Variants in STPG2 observed in about 807,000 individuals in gnomAD.
STPG2 encodes the protein sperm tail PG-rich repeat containing 2.
A neutral mutation model predicts 54.2 loss-of-function variants in STPG2; 56 were observed. The ratio of observed to expected loss-of-function variants is 1.03; its 90% CI spans 0.83 to 1.29. STPG2 has a LOEUF of 1.29. STPG2 is among the 50% of genes most tolerant of loss of function. The pLI, the probability that STPG2 is intolerant of heterozygous loss-of-function variation, is 0.00. For missense variants in STPG2, 596 were observed against 544.9 expected, an observed-to-expected ratio of 1.09 and a Z score of -0.93; for synonymous variants, 200 against 181.8, an observed-to-expected ratio of 1.10 and a Z score of -0.81.
At chr4:97,524,366 CA>C in intron 4 of STPG2, among the ~76,000 whole-genome samples, 1 of 151,942 alleles carries the variant, frequency 6.6e-6, no homozygotes, top group South Asian at 2.1e-4. Flanking sequence ...AGTAAATAAA[CA>C]AAAAGTACAA....
intron 9 of STPG2, among the ~76,000 whole-genome samples, chr4:97,747,070 T>C (rs1412945376): frequency 3.4e-4 from 51 of 150,988 alleles, no homozygotes; most frequent in Non-Finnish European, 1.3e-4. Flanking sequence ...TTAGGTTTCA[T>C]AGTTAAAGTA....
intron 5 of STPG2, among the ~76,000 whole-genome samples, chr4:98,067,039 T>C (rs1242545432): frequency 6.6e-6 from 1 of 152,124 alleles, no homozygotes; most frequent in Non-Finnish European, 1.5e-5. Context: ...ATCGAGAAAA[T>C]GTTTCTAACA....
chr4:97,988,840 C>T (rs1280760273), intron 5 of STPG2, among the ~76,000 whole-genome samples: 42 of 152,274 alleles, frequency 2.8e-4, no homozygotes, highest in Non-Finnish European at 7.4e-5. Flanking sequence ...TGGTCTTGAA[C>T]CGAGCTCAAG....
At chr4:97,673,192 G>A (rs1722748192) in intron 10 of STPG2, among the ~76,000 whole-genome samples, 1 of 152,194 alleles carries the variant, frequency 6.6e-6, no homozygotes, top group Non-Finnish European at 1.5e-5. Flanking sequence ...ATTTTACAAT[G>A]TCAGTTGATG....
At chr4:97,670,124 T>C (rs189161923) in intron 10 of STPG2, among the ~76,000 whole-genome samples, 1 of 151,942 alleles carries the variant, frequency 6.6e-6, no homozygotes, top group Non-Finnish European at 1.5e-5. Context: ...GTTGATAACA[T>C]TTTTTGATGA....
chr4:97,853,262 C>T (rs150489883), intron 8 of STPG2, among the ~76,000 whole-genome samples: 1,926 of 151,792 alleles, frequency 0.013, 36 homozygotes, highest in African/African-American at 0.044. Context: ...CACCGCGCCC[C>T]GCCAAATAAA....
intron 10 of STPG2, among the ~76,000 whole-genome samples, chr4:97,630,792 TA>T (rs1327708131): frequency 2.6e-5 from 4 of 151,846 alleles, no homozygotes; most frequent in Non-Finnish European, 4.4e-5. Flanking sequence ...TTTGTTTTTT[TA>T]ATCTAAAAAA....
At chr4:98,000,197 G>GA (rs1735371820) in intron 5 of STPG2, among the ~76,000 whole-genome samples, 3 of 151,896 alleles carry the variant, frequency 2.0e-5, no homozygotes, top group Non-Finnish European at 4.4e-5. Context: ...CAGAGCTAAT[G>GA]AAAATATATC....
At chr4:97,971,569 G>C (rs1734327772) in intron 7 of STPG2, among the ~76,000 whole-genome samples, 1 of 152,060 alleles carries the variant, frequency 6.6e-6, no homozygotes, top group South Asian at 2.1e-4. Context: ...CACACCGCAG[G>C]TTCTCACTCA....
At chr4:97,918,102 C>T (rs1374062718) in intron 8 of STPG2, among the ~76,000 whole-genome samples, 1 of 151,980 alleles carries the variant, frequency 6.6e-6, no homozygotes, top group Non-Finnish European at 1.5e-5. Context: ...GGCAAATGTT[C>T]CTCAGTAAAT....
At chr4:97,533,222 A>C (rs1031715331) in intron 4 of STPG2, among the ~76,000 whole-genome samples, 1 of 152,294 alleles carries the variant, frequency 6.6e-6, no homozygotes, top group Middle Eastern at 3.4e-3. Context: ...ATATAATTAC[A>C]TAAAGAGTCA....
intron 4 of STPG2, among the ~76,000 whole-genome samples, chr4:97,512,771 A>G (rs1730999299): frequency 6.6e-6 from 1 of 152,108 alleles, no homozygotes; most frequent in South Asian, 2.1e-4. Context: ...CCTGTGATAC[A>G]GGAAAATCTA....
At chr4:97,839,234 G>A (rs535137043) in intron 9 of STPG2, among the ~76,000 whole-genome samples, 3 of 151,504 alleles carry the variant, frequency 2.0e-5, no homozygotes, top group Admixed American at 6.6e-5. Context: ...TTAATCTTTT[G>A]TATTCTCATG....
intron 5 of STPG2, among the ~76,000 whole-genome samples, chr4:98,027,542 A>T (rs1303225250): frequency 6.6e-6 from 1 of 152,230 alleles, no homozygotes; most frequent in Admixed American, 6.5e-5. Flanking sequence ...CCATCTGTAG[A>T]CTTGCAAAAC....
At chr4:97,673,680 T>C (rs1239112333) in intron 10 of STPG2, among the ~76,000 whole-genome samples, 1 of 152,032 alleles carries the variant, frequency 6.6e-6, no homozygotes, top group Admixed American at 6.6e-5. Flanking sequence ...TATATTTTTT[T>C]TTTTCCTGCA....
At chr4:97,889,462 A>G (rs984988824) in intron 8 of STPG2, among the ~76,000 whole-genome samples, 2 of 152,214 alleles carry the variant, frequency 1.3e-5, no homozygotes, top group Non-Finnish European at 2.9e-5. Flanking sequence ...TGCGGTATAT[A>G]TACATAATGG....
At chr4:97,855,567 C>T (rs149738751) in intron 8 of STPG2, among the ~76,000 whole-genome samples, 2,761 of 151,782 alleles carry the variant, frequency 0.018, 32 homozygotes, top group Non-Finnish European at 0.027. Context: ...GGATATTAGT[C>T]CTTTGTCAGA....
intron 10 of STPG2, among the ~76,000 whole-genome samples, chr4:97,610,820 C>A (rs1435081964): frequency 6.6e-6 from 1 of 150,552 alleles, no homozygotes; most frequent in Non-Finnish European, 1.5e-5. Flanking sequence ...GGAACAAAAA[C>A]AATAACATGC....
At chr4:98,124,003 C>T (rs1196111130) in intron 3 of STPG2, among the ~76,000 whole-genome samples, 1 of 152,050 alleles carries the variant, frequency 6.6e-6, no homozygotes, top group Admixed American at 6.6e-5. Flanking sequence ...GATTACAACC[C>T]TTGCTTTTTT....
Sources: allele counts gnomAD v4.1 joint callset (sites outside exome capture counted in the v4.1 genomes callset), GRCh38; gene constraint gnomAD v4.1.1; transcripts MANE v1.5; gene names NCBI Gene and HGNC (gene_info 2026-07-23, HGNC 2026-07-21).